Variants in KIAA1328 observed in about 807,000 individuals in gnomAD.
KIAA1328 encodes the protein KIAA1328.
Under a neutral mutation model 68.1 loss-of-function variants are expected in KIAA1328, and 52 were observed. The ratio of observed to expected loss-of-function variants is 0.76; its 90% confidence interval spans 0.61 to 0.96. The LOEUF (loss-of-function observed/expected upper bound fraction) is 0.96. KIAA1328 is among the 40% of genes least tolerant of loss of function. The pLI is 0.00. For missense variants in KIAA1328, 641 were observed against 677.6 expected (o/e 0.95, Z 0.60); for synonymous variants, 232 against 239.4 (o/e 0.97, Z 0.28).
At chr18:36,868,178 G>A (rs555156412) in intron 4 of KIAA1328, among the ~76,000 whole-genome samples, 226 of 152,316 alleles carry the variant, frequency 1.5e-3, no homozygotes, top group South Asian at 2.9e-3. Flanking sequence ...TAGGGGTATA[G>A]TGAATTATTT....
intron 9 of KIAA1328, among the ~76,000 whole-genome samples, chr18:37,174,485 C>G (rs931437520): frequency 6.6e-6 from 1 of 150,592 alleles, no homozygotes; most frequent in Non-Finnish European, 1.5e-5. Flanking sequence ...CGGGTTCAAG[C>G]AATTCTTCTG....
At chr18:37,196,457 A>G (rs2060005165) in intron 9 of KIAA1328, among the ~76,000 whole-genome samples, 1 of 152,050 alleles carries the variant, frequency 6.6e-6, no homozygotes, top group Non-Finnish European at 1.5e-5. Context: ...AGTTTGAGGT[A>G]TGTTTGACAC....
intron 7 of KIAA1328, among the ~76,000 whole-genome samples, chr18:37,092,973 C>T (rs2057307810): frequency 6.6e-6 from 1 of 152,158 alleles, no homozygotes; most frequent in Admixed American, 6.5e-5. Flanking sequence ...CCACCACCAA[C>T]ACTAATCCCT....
chr18:37,216,595 G>C (rs948088281), intron 9 of KIAA1328, among the ~76,000 whole-genome samples: 1 of 152,126 alleles, frequency 6.6e-6, no homozygotes, highest in South Asian at 2.1e-4. Flanking sequence ...GCTGAGAAGA[G>C]TGTATATTCT....
At chr18:37,004,066 C>T (rs184524511) in intron 6 of KIAA1328, among the ~76,000 whole-genome samples, 63 of 152,044 alleles carry the variant, frequency 4.1e-4, no homozygotes, top group Admixed American at 2.0e-3. Context: ...TTTGTCTATG[C>T]GGGCTCTTTT....
chr18:37,211,987 A>G (rs1410503140), intron 9 of KIAA1328, among the ~76,000 whole-genome samples: 1 of 152,176 alleles, frequency 6.6e-6, no homozygotes, highest in Non-Finnish European at 1.5e-5. Flanking sequence ...ATCCCCCCCT[A>G]GCTATTTTAA....
chr18:36,956,376 T>C (rs2051415720), intron 5 of KIAA1328, among the ~76,000 whole-genome samples: 1 of 152,236 alleles, frequency 6.6e-6, no homozygotes, highest in African/African-American at 2.4e-5. Context: ...GTTTTCAACA[T>C]CTATTTCATT....
chr18:37,202,525 T>G (rs2060134342), intron 9 of KIAA1328, among the ~76,000 whole-genome samples: 1 of 152,200 alleles, frequency 6.6e-6, no homozygotes, highest in Admixed American at 6.5e-5. Context: ...TGTAGCTAAC[T>G]GTAAACCACT....
In KIAA1328 at chr18:37,225,322, G is replaced by C. The variant is rs1016736683; in HGVS notation, c.*3095G>C. The stretch of plus-strand genomic sequence containing the variant: ...TTCAAGTTAATAAATCATCTCTATG[G>C]CTATTTTCCCCATGTGGGTTTGATA... On this transcript the variant is annotated 3_prime_UTR_variant, in exon 10 of 10. Coordinates refer to ENST00000280020, the MANE Select transcript of KIAA1328 (RefSeq NM_020776.3). 1 of 984,980 alleles carries C rather than the reference G, an allele frequency of 1.0e-6. No homozygotes were observed. 61.0% of individuals were successfully genotyped at this position (984,980 alleles called of 1,614,324 possible).
At chr18:37,118,794 T>C (rs2058191663) in intron 7 of KIAA1328, among the ~76,000 whole-genome samples, 1 of 152,162 alleles carries the variant, frequency 6.6e-6, no homozygotes, top group Non-Finnish European at 1.5e-5. Context: ...AAATGGTTAG[T>C]TGGAGCCATT....
intron 7 of KIAA1328, among the ~76,000 whole-genome samples, chr18:37,081,665 A>C (rs2056953266): frequency 6.6e-6 from 1 of 152,172 alleles, no homozygotes; most frequent in South Asian, 2.1e-4. Context: ...ATTTGGAACC[A>C]CTTCTCTACC....
At chr18:37,047,010 T>C (rs1031047773) in intron 6 of KIAA1328, among the ~76,000 whole-genome samples, 1 of 152,166 alleles carries the variant, frequency 6.6e-6, no homozygotes, top group Non-Finnish European at 1.5e-5. Flanking sequence ...CACATGCCTG[T>C]AGTCCCAGCT....
chr18:37,113,313 G>T (rs1005435786), intron 7 of KIAA1328, among the ~76,000 whole-genome samples: 1 of 152,062 alleles, frequency 6.6e-6, no homozygotes, highest in Non-Finnish European at 1.5e-5. Context: ...GGATCTCTGG[G>T]CAGAAACTCT....
At chr18:37,162,274 G>T (rs2059296919) in intron 8 of KIAA1328, among the ~76,000 whole-genome samples, 1 of 147,760 alleles carries the variant, frequency 6.8e-6, no homozygotes. Flanking sequence ...AGGTTGTAGT[G>T]TTGCAATAAA....
chr18:37,071,057 CTTTTTTT>C (rs58722044), intron 7 of KIAA1328, among the ~76,000 whole-genome samples: 18 of 86,832 alleles, frequency 2.1e-4, no homozygotes, highest in South Asian at 3.8e-4. Flanking sequence ...TTTTTTCTTC[CTTTTTTT>C]TTTTTTTTTT....
chr18:37,031,300 GT>G (rs766371109), intron 6 of KIAA1328, among the ~76,000 whole-genome samples: 2 of 151,784 alleles, frequency 1.3e-5, no homozygotes, highest in South Asian at 2.1e-4. Flanking sequence ...TGATTGTGGG[GT>G]TTTTTTTCCT....
intron 6 of KIAA1328, among the ~76,000 whole-genome samples, chr18:37,059,030 T>C (rs1403858448): frequency 2.0e-5 from 3 of 152,134 alleles, no homozygotes; most frequent in African/African-American, 7.2e-5. Context: ...GGGTTTTTTT[T>C]TTAGAAGGAA....
intron 9 of KIAA1328, among the ~76,000 whole-genome samples, chr18:37,206,759 G>C (rs966612486): frequency 6.6e-6 from 1 of 152,222 alleles, no homozygotes; most frequent in South Asian, 2.1e-4. Context: ...AATAAAGCTG[G>C]TGTCTTTTAA....
intron 5 of KIAA1328, chr18:36,895,860 C>A (rs2048851028): frequency 6.7e-6 from 3 of 450,590 alleles, no homozygotes; most frequent in Non-Finnish European, 1.3e-5. Flanking sequence ...CTCTGTCACA[C>A]ACCACACCCC....
Sources: gnomAD v4.1 joint callset for allele counts (sites outside exome capture counted in the v4.1 genomes callset) on GRCh38, gnomAD v4.1.1 for gene constraint, MANE v1.5 for transcripts, NCBI Gene and HGNC (gene_info 2026-07-23, HGNC 2026-07-21) for gene names.